ESR1: variants seen among roughly 807,000 people sequenced by gnomAD.
The protein encoded by ESR1 is estrogen receptor.
Under a neutral mutation model 52.7 loss-of-function variants are expected in ESR1, and 12 were observed. That is an observed-to-expected ratio of 0.23 (90% CI 0.15 to 0.37). ESR1 has a LOEUF of 0.37. ESR1 is among the 10% of genes least tolerant of loss of function. The pLI is 1.00. For synonymous variants in ESR1, 305 were observed against 316.8 expected (o/e 0.96, Z 0.39); for missense variants, 584 against 779.7 (o/e 0.75, Z 2.99).
intron 2 of ESR1, among the ~76,000 whole-genome samples, chr6:151,754,966 C>G (rs935892964): frequency 2.0e-5 from 3 of 152,262 alleles, no homozygotes; most frequent in Middle Eastern, 6.8e-3. Context: ...AATCCCAGCA[C>G]TTTAGGAGGC....
At chr6:151,718,869 T>A (rs1562353326) in intron 2 of ESR1, among the ~76,000 whole-genome samples, 1 of 152,128 alleles carries the variant, frequency 6.6e-6, no homozygotes, top group Non-Finnish European at 1.5e-5. Context: ...TCTCTTACCA[T>A]GACACTCCCC....
Position 151,807,875 on chromosome 6 carries a change from C to T in ESR1, c.-38C>T, listed in dbSNP as rs1778137540. 2 of 1,585,282 alleles carry T rather than the reference C, an allele frequency of 1.3e-6. No individual in the cohort carries two copies. The highest frequency in any genetic ancestry group is 1.3e-5 in the African/African-American group (1 of 74,148). On this transcript the variant is annotated 5_prime_UTR_variant, in exon 1 of 8. Transcript: ENST00000206249. Reference sequence around the variant, plus strand: ...GCCGGTTTCTGAGCCTTCTGCCCTGCGGGGACACGGTCTGCACCCTGCCCG... The same window carrying T: ...GCCGGTTTCTGAGCCTTCTGCCCTGTGGGGACACGGTCTGCACCCTGCCCG...
intron 4 of ESR1, among the ~76,000 whole-genome samples, chr6:151,972,675 G>A (rs1057216363): frequency 1.3e-5 from 2 of 152,112 alleles, no homozygotes; most frequent in Non-Finnish European, 2.9e-5. Context: ...CCTGTATTAG[G>A]GTTCTCTAGA....
chr6:151,780,701 T>A (rs1447673882), intron 2 of ESR1, among the ~76,000 whole-genome samples: 5 of 152,246 alleles, frequency 3.3e-5, no homozygotes, highest in South Asian at 4.1e-4. Flanking sequence ...GTTAGGCTTA[T>A]GTTTGATGTC....
At chr6:151,975,907 T>G (rs1211877398) in intron 4 of ESR1, among the ~76,000 whole-genome samples, 1 of 152,138 alleles carries the variant, frequency 6.6e-6, no homozygotes, top group East Asian at 1.9e-4. Flanking sequence ...TCCCTGTGAA[T>G]GCAGAGATCA....
intron 4 of ESR1, among the ~76,000 whole-genome samples, chr6:151,961,380 T>C (rs568811425): frequency 7.4e-4 from 113 of 152,174 alleles, no homozygotes; most frequent in African/African-American, 2.6e-3. Context: ...AGGGTGAGAA[T>C]TGATAATTTT....
chr6:151,669,164 G>A (rs1405492031), intron 1 of ESR1, among the ~76,000 whole-genome samples: 3 of 126,774 alleles, frequency 2.4e-5, no homozygotes, highest in African/African-American at 8.4e-5. Context: ...GAGAGAGAGA[G>A]AGAGAGAGAG....
At chr6:151,868,074 A>G (rs1790269564) in intron 2 of ESR1, among the ~76,000 whole-genome samples, 1 of 46,038 alleles carries the variant, frequency 2.2e-5, no homozygotes, top group African/African-American at 1.7e-4. Context: ...TGAGCATAGT[A>G]CCCAATGATA....
At chr6:151,901,065 G>T (rs909843881) in intron 3 of ESR1, among the ~76,000 whole-genome samples, 1 of 152,146 alleles carries the variant, frequency 6.6e-6, no homozygotes, top group East Asian at 1.9e-4. Context: ...CCATCAGGTG[G>T]GGCAAGGCTA....
chr6:151,816,485 A>G (rs538220834), intron 1 of ESR1, among the ~76,000 whole-genome samples: 1 of 152,330 alleles, frequency 6.6e-6, no homozygotes, highest in African/African-American at 2.4e-5. Context: ...CATTCCTGGC[A>G]CATAACAAGT....
intron 1 of ESR1, among the ~76,000 whole-genome samples, chr6:151,692,348 C>T (rs1382508224): frequency 6.6e-6 from 1 of 152,220 alleles, no homozygotes; most frequent in East Asian, 1.9e-4. Context: ...AGTCTGTCTG[C>T]ATTCATTTAT....
At chr6:151,703,570 G>A (rs1369713312) in intron 2 of ESR1, among the ~76,000 whole-genome samples, 7 of 152,252 alleles carry the variant, frequency 4.6e-5, no homozygotes, top group Middle Eastern at 3.4e-3. Context: ...AGTGGAAGGC[G>A]CCTGTAGCTC....
chr6:151,872,488 G>C (rs1204615844), intron 2 of ESR1, among the ~76,000 whole-genome samples: 1 of 151,962 alleles, frequency 6.6e-6, no homozygotes, highest in Non-Finnish European at 1.5e-5. Flanking sequence ...TAGATGTTTT[G>C]GTATGATTTT....
chr6:152,109,015 T>C lies in ESR1; in HGVS notation c.851-16251T>C, dbSNP rs578066789. 2.6e-5 allele frequency among the ~76,000 whole-genome samples: 4 copies of C among 152,038 alleles called. No individual in the cohort carries two copies. The South Asian group carries it at 8.4e-4, about 32-fold the overall frequency. On this transcript the variant is annotated intron_variant, in intron 6 of 6. Coordinates refer to the ESR1 transcript ENST00000427531. The stretch of plus-strand genomic sequence containing the variant: ...CAGGAAACTCAATCATGGCAGAAGG[T>C]GAAGGGGAAGCAAGGACTTCTTACT...
intron 4 of ESR1, among the ~76,000 whole-genome samples, chr6:152,005,898 T>C (rs2042291147): frequency 6.6e-6 from 1 of 152,014 alleles, no homozygotes; most frequent in African/African-American, 2.4e-5. Flanking sequence ...CTCAGGCCTG[T>C]GGACGAAGGC....
Position 152,108,954 on chromosome 6 carries a change from G to C in ESR1, c.851-16312G>C, listed in dbSNP as rs140063379. 8.6e-4 allele frequency among the ~76,000 whole-genome samples: 131 copies of C among 152,256 alleles called. No individual in the cohort carries two copies. In the East Asian group the frequency reaches 0.024, roughly 28 times the overall value. ...TTACGGTTCTGCAGGCTGTACAGGA[G>C]GCATGGCAGCATCTGCTCAGCTTCT... On this transcript the variant is annotated intron_variant, in intron 6 of 6. Transcript: ENST00000427531.
upstream of ESR1, among the ~76,000 whole-genome samples, chr6:151,801,086 G>C (rs959690612): frequency 3.4e-5 from 5 of 148,652 alleles, no homozygotes; most frequent in African/African-American, 1.2e-4. Context: ...GTGTGTAAAG[G>C]CCCTTCTTAA....
At chr6:151,704,133 T>G (rs966278823) in intron 2 of ESR1, among the ~76,000 whole-genome samples, 2 of 152,258 alleles carry the variant, frequency 1.3e-5, no homozygotes, top group African/African-American at 4.8e-5. Flanking sequence ...GTAAAATGTA[T>G]GTTGATAGGT....
At chr6:151,851,808 G>A (rs140126246) in intron 2 of ESR1, among the ~76,000 whole-genome samples, 10,474 of 152,132 alleles carry the variant, frequency 0.069, 765 homozygotes, top group East Asian at 0.24. Context: ...GATTACAGGC[G>A]TGAGCCGCCG....
Sources: gnomAD v4.1 joint callset for allele counts (sites outside exome capture counted in the v4.1 genomes callset) on GRCh38, gnomAD v4.1.1 for gene constraint, MANE v1.5 for transcripts, NCBI Gene and HGNC (gene_info 2026-07-23, HGNC 2026-07-21) for gene names.